NSD3: variants seen among roughly 807,000 people sequenced by gnomAD.
The protein encoded by NSD3 is histone-lysine N-methyltransferase NSD3.
In NSD3, 24 loss-of-function variants were observed where a neutral mutation model predicts 160.8. The observed-to-expected ratio is 0.15, with a 90% confidence interval of 0.11 to 0.21. The LOEUF (loss-of-function observed/expected upper bound fraction) is 0.21. NSD3 is among the 10% of genes least tolerant of loss of function. NSD3 has a pLI of 1.00. For missense variants in NSD3, 1,157 were observed against 1,735.9 expected (o/e 0.67, Z 5.93); for synonymous variants, 520 against 600.0 (o/e 0.87, Z 1.95).
chr8:38,305,689 C>A (rs1479713314), intron 12 of NSD3, among the ~76,000 whole-genome samples: 1 of 152,102 alleles, frequency 6.6e-6, no homozygotes, highest in Non-Finnish European at 1.5e-5. Context: ...AAAACTGATT[C>A]CATAGAAAAG....
chr8:38,342,325 A>ATTAAAATT (rs1585904571), intron 2 of NSD3, among the ~76,000 whole-genome samples: 1 of 152,244 alleles, frequency 6.6e-6, no homozygotes, highest in East Asian at 1.9e-4. Context: ...AAGTAGGGAC[A>ATTAAAATT]GAGATACCCT....
At chr8:38,363,633 C>T (rs2150391664) in intron 1 of NSD3, among the ~76,000 whole-genome samples, 1 of 134,680 alleles carries the variant, frequency 7.4e-6, no homozygotes, top group South Asian at 2.5e-4. Flanking sequence ...GAGTGAGACT[C>T]CGTCTCAAAA....
intron 16 of NSD3, among the ~76,000 whole-genome samples, chr8:38,294,477 T>G (rs763535638): frequency 3.1e-4 from 47 of 152,286 alleles, no homozygotes; most frequent in Non-Finnish European, 5.3e-4. Context: ...AAAATAATGG[T>G]ACTCACATAC....
At position 38,318,141 on chromosome 8, in the gene NSD3, T is replaced by G; in HGVS notation, c.1855+754A>C. The G allele has an allele frequency of 7.3e-6, 10 of 1,360,960 alleles. No individual in the cohort carries two copies. The highest frequency in any genetic ancestry group is 1.0e-5 in the Non-Finnish European group (10 of 984,334). 84.3% of individuals were successfully genotyped at this position (1,360,960 alleles called of 1,614,324 possible). ...CCAAGCAGTGTTCCCTCCGAGAGGC[T>G]GTTCAGTTCTGCTGAGGATCTCCAC... On this transcript the variant is annotated intron_variant, in intron 9 of 23. Coordinates refer to ENST00000317025, the MANE Select transcript of NSD3 (RefSeq NM_023034.2). The surrounding 1 kb of genome is among the most constrained non-coding windows in gnomAD (Gnocchi z 5.3).
intron 2 of NSD3, among the ~76,000 whole-genome samples, chr8:38,340,882 A>G (rs897093752): frequency 1.3e-5 from 2 of 152,072 alleles, no homozygotes; most frequent in Non-Finnish European, 2.9e-5. Flanking sequence ...AGTAAGTGCT[A>G]TGGCTCGGCA....
chr8:38,315,366 C>A, intron 11 of NSD3, 50 bp downstream of exon 11: 1 of 1,484,928 alleles, frequency 6.7e-7, no homozygotes, highest in Non-Finnish European at 8.9e-7. Flanking sequence ...CTATTACTGG[C>A]AGAATATAAT....
At position 38,369,772 on chromosome 8, in the gene NSD3, T is replaced by G. The variant is rs948887364; in HGVS notation, c.-45+12027A>C. Among the ~76,000 whole-genome samples the G allele has an allele frequency of 3.9e-5, 6 of 152,092 alleles. No homozygotes were observed. The East Asian group carries it at 1.2e-3, about 29-fold the overall frequency. On this transcript the variant is annotated intron_variant, in intron 1 of 23. Coordinates refer to ENST00000317025, the MANE Select transcript of NSD3 (RefSeq NM_023034.2). ...ACTCTTGCCCTATACTTCACTGCCC[T>G]CCCAGTTTTGTTTTTTGTTTTTGTT... is the stretch of plus-strand genomic sequence containing the variant.
At chr8:38,313,503 T>C (rs1264139051) in intron 12 of NSD3, among the ~76,000 whole-genome samples, 4 of 152,050 alleles carry the variant, frequency 2.6e-5, no homozygotes, top group Non-Finnish European at 5.9e-5. Context: ...TTGTAGCACC[T>C]AACATTTAGT....
At chr8:38,278,232 C>T in intron 22 of NSD3, 74 bp downstream of exon 22, 1 of 1,389,206 alleles carries the variant, frequency 7.2e-7, no homozygotes, top group East Asian at 2.4e-5. Context: ...GCCACCGCGC[C>T]CGGCCAAACA....
chr8:38,380,614 T>A (rs759248686), intron 1 of NSD3: 1 of 152,178 alleles, frequency 6.6e-6, no homozygotes, highest in Admixed American at 6.6e-5. Flanking sequence ...GCATACCTTG[T>A]TTGCAACCAG....
At chr8:38,281,355 T>C (rs1333297874) in intron 20 of NSD3, 112 bp downstream of exon 20, 1 of 518,458 alleles carries the variant, frequency 1.9e-6, no homozygotes, top group African/African-American at 1.9e-5. Flanking sequence ...TGCAAATCAT[T>C]ATGCTCTGCC....
intron 15 of NSD3, among the ~76,000 whole-genome samples, chr8:38,296,651 T>G (rs1011354109): frequency 4.3e-4 from 63 of 146,562 alleles, no homozygotes; most frequent in African/African-American, 1.4e-3. Flanking sequence ...CCAAAAAACC[T>G]CTCTTTCTCT....
chr8:38,291,827 C>T (rs1468739775), intron 16 of NSD3, among the ~76,000 whole-genome samples: 1 of 152,150 alleles, frequency 6.6e-6, no homozygotes, highest in Non-Finnish European at 1.5e-5. Flanking sequence ...CAAGAAGCAA[C>T]ACATTGGAAT....
chr8:38,377,573 G>C (rs1332221148), intron 1 of NSD3, among the ~76,000 whole-genome samples: 1 of 151,656 alleles, frequency 6.6e-6, no homozygotes, highest in Non-Finnish European at 1.5e-5. Context: ...GGTCTCAAAC[G>C]CCTGACCTCA....
Position 38,276,307 on chromosome 8 carries a change from T to C in NSD3, c.4061A>G (p.Gln1354Arg), listed in dbSNP as rs544880722. ...AAGGTCCAGCTTACCATATGGTGGC[T>C]GAGTCAGGTTAAGGCATAGGAGGTG... ...AYHLLCLNLT[Q>R]PPYGKWECPW... The change falls in exon 23 of 24, where the codon CAG becomes CGG. Residue 1354 changes from glutamine (Q) to arginine (R), a missense_variant. Around this residue, in one of 10 missense-constraint regions of NSD3, gnomAD observed 222 missense variants for 409.9 expected, o/e 0.54. Transcript: ENST00000317025. 6 of 1,614,154 alleles carry C rather than the reference T, an allele frequency of 3.7e-6. No individual in the cohort carries two copies. In the South Asian group the frequency reaches 6.6e-5, roughly 18 times the overall value.
intron 1 of NSD3, among the ~76,000 whole-genome samples, chr8:38,368,020 C>G (rs947230022): frequency 9.9e-5 from 15 of 151,978 alleles, no homozygotes; most frequent in African/African-American, 3.6e-4. Flanking sequence ...GCTCTTGTTG[C>G]CCAGGTTGGA....
chr8:38,317,810 G>A lies in NSD3; in HGVS notation c.1855+1085C>T. 2 of 1,459,712 alleles carry A rather than the reference G, an allele frequency of 1.4e-6. No individual in the cohort carries two copies. Among genetic ancestry groups the A allele is most frequent in the Non-Finnish European group, 9.0e-7 (1 of 1,108,862 alleles). The allele number at this position is 1,459,712 out of a possible 1,614,324, so 90.4% of individuals were successfully genotyped here. A position where few individuals can be genotyped will look rare whatever the true frequency, so the allele number is the denominator to read the frequency against. On this transcript the variant is annotated intron_variant, in intron 9 of 23. Coordinates refer to ENST00000317025, the MANE Select transcript of NSD3 (RefSeq NM_023034.2). The surrounding 1 kb of genome is among the most constrained non-coding windows in gnomAD (Gnocchi z 5.3). ...TAAAGCAATTGTTCAGAGTCTTGAA[G>A]AAGAAACCAGGCAGGAAAATGCCAA...
At chr8:38,283,177 A>G (rs571377355) in intron 19 of NSD3, among the ~76,000 whole-genome samples, 2 of 152,292 alleles carry the variant, frequency 1.3e-5, no homozygotes, top group South Asian at 4.1e-4. Flanking sequence ...TACAGTGATA[A>G]GCTCCTTTTA....
chr8:38,329,821 T>G lies in NSD3; in HGVS notation c.1138A>C (p.Lys380Gln), dbSNP rs759844505. The G allele has an allele frequency of 1.2e-6, 2 of 1,613,422 alleles. No homozygotes were observed. Among genetic ancestry groups the G allele is most frequent in the African/African-American group, 2.7e-5 (2 of 74,930 alleles). ...IGIAHAEKAL[K>Q]MTREERIEQY... is the part of the protein sequence containing the mutation. ...TCTATTCTTTCTTCTCGAGTCATTT[T>G]CAATGCTTTCTCTGCATGGGCAATG... is the stretch of plus-strand genomic sequence containing the variant. Residue 380 changes from lysine to glutamine, a missense_variant, in exon 6 of 24, where the codon AAA becomes CAA. By Grantham distance (53) the Lys-to-Gln change is moderately conservative (BLOSUM62 1). This residue lies in a region of NSD3 where 168 missense variants were observed against 208.1 expected (regional missense o/e 0.81). Coordinates refer to ENST00000317025, the MANE Select transcript of NSD3 (RefSeq NM_023034.2). The surrounding 1 kb of genome is among the most constrained non-coding windows in gnomAD (Gnocchi z 4.8).
Sources: allele counts gnomAD v4.1 joint callset (sites outside exome capture counted in the v4.1 genomes callset), GRCh38; gene constraint gnomAD v4.1.1; regional missense constraint gnomAD v4.1.1; non-coding constraint Gnocchi (gnomAD v3.1); transcripts MANE v1.5; gene names NCBI Gene and HGNC (gene_info 2026-07-23, HGNC 2026-07-21).